The following TFAM variants were observed in gnomAD, a reference collection of about 807,000 sequenced individuals.
TFAM encodes the protein mitochondrial transcription factor 1.
A neutral mutation model predicts 30.6 loss-of-function variants in TFAM; 13 were observed. The ratio of observed to expected loss-of-function variants is 0.42; its 90% CI spans 0.28 to 0.67. TFAM has a LOEUF of 0.67. TFAM is among the 30% of genes least tolerant of loss of function. The pLI is 0.21. For missense variants in TFAM, 231 were observed against 293.7 expected (o/e 0.79, Z 1.56); for synonymous variants, 106 against 94.8 (o/e 1.12, Z -0.69).
chr10:58,388,374 A>G (rs964103084), intron 3 of TFAM, 114 bp downstream of exon 3: 1 of 923,124 alleles, frequency 1.1e-6, no homozygotes, highest in Admixed American at 2.0e-5. Flanking sequence ...TCTGTTATCT[A>G]CAAAGAAACT....
rs570779709 is a variant in TFAM at position 58,388,703 on chromosome 10, G to A, written c.325G>A (p.Val109Ile). The part of the protein sequence containing the change: ...YQDAYRAEWQ[V>I]YKEEISRFKE... ...AGATGCTTATAGGGCGGAGTGGCAG[G>A]TATATAAAGAAGAGATAAGCAGATT... Residue 109 changes from valine (V) to isoleucine (I), a missense_variant, in exon 4 of 7, where the codon GTA becomes ATA. Transcript: ENST00000487519. 4 of 1,613,610 alleles carry A rather than the reference G, an allele frequency of 2.5e-6. No individual in the cohort carries two copies. The highest frequency in any genetic ancestry group is 1.3e-5 in the African/African-American group (1 of 74,948).
chr10:58,386,537 A>T (rs1454766057), intron 2 of TFAM, 199 bp downstream of exon 2: 48 of 749,266 alleles, frequency 6.4e-5, no homozygotes, highest in East Asian at 4.9e-4. Flanking sequence ...ATGGTATTTT[A>T]AAAATAACGT....
chr10:58,385,494 T>G lies in TFAM; in HGVS notation c.-54T>G. 4 of 1,391,946 alleles carry G rather than the reference T, an allele frequency of 2.9e-6. No individual in the cohort carries two copies. Among genetic ancestry groups the G allele is most frequent in the Non-Finnish European group, 4.0e-6 (4 of 1,001,272 alleles). 86.2% of individuals were successfully genotyped at this position (1,391,946 alleles called of 1,614,324 possible). ...AGTTGTGATTGCTGGAGTTGTGTAT[T>G]GCCAGGAGGCTCTCCGAGATTGGGG... On this transcript the variant is annotated 5_prime_UTR_variant, in exon 1 of 7. The change creates a new upstream start codon in the 5' untranslated region. Coordinates refer to ENST00000487519, the MANE Select transcript of TFAM (RefSeq NM_003201.3).
At position 58,395,617 on chromosome 10, in the gene TFAM, G is replaced by A. The variant is rs1484284032; in HGVS notation, c.*543G>A. On this transcript the variant is annotated 3_prime_UTR_variant, in exon 7 of 7. Coordinates refer to ENST00000487519, the MANE Select transcript of TFAM (RefSeq NM_003201.3). ...TTTAGTTGCAACTTTGTATAAAAGG[G>A]ACTGAGAAATTTATAAACTTTTTTC... The A allele has an allele frequency of 1.6e-5, 4 of 248,716 alleles. No individual in the cohort carries two copies. The highest frequency in any genetic ancestry group is 5.5e-5 in the Admixed American group (1 of 18,110). The allele number at this position is 248,716 out of a possible 1,614,324, so 15.4% of individuals were successfully genotyped here. A position where few individuals can be genotyped will look rare whatever the true frequency, so the allele number is the denominator to read the frequency against.
At chr10:58,394,534 A>G in intron 6 of TFAM, 120 bp downstream of exon 6, 1 of 930,996 alleles carries the variant, frequency 1.1e-6, no homozygotes, top group Non-Finnish European at 1.8e-6. Context: ...AAGTATTCTA[A>G]AATTATTTTC....
intron 6 of TFAM, chr10:58,394,667 G>A (rs1840651494): frequency 6.3e-6 from 4 of 639,030 alleles, no homozygotes; most frequent in Non-Finnish European, 1.1e-5. Flanking sequence ...GTGATACCCT[G>A]CTGCTGCCCC....
In TFAM at chr10:58,397,844, G is replaced by C. The variant is rs189993302; in HGVS notation, c.*2770G>C. ...CATGGTGTGATCTTGGCTCACTGCA[G>C]CCTTGACCTCCTGGGCTCAAGTGAT... On this transcript the variant is annotated 3_prime_UTR_variant, in exon 7 of 7. Coordinates refer to ENST00000487519, the MANE Select transcript of TFAM (RefSeq NM_003201.3). 1 of 152,052 alleles carries C rather than the reference G, an allele frequency of 6.6e-6. No homozygotes were observed. The highest frequency in any genetic ancestry group is 2.4e-5 in the African/African-American group (1 of 41,378). 9.4% of individuals were successfully genotyped at this position (152,052 alleles called of 1,614,324 possible).
At chr10:58,386,612 T>C (rs889740767) in intron 2 of TFAM, 8 of 1,210,752 alleles carry the variant, frequency 6.6e-6, no homozygotes, top group Middle Eastern at 3.4e-4. Flanking sequence ...TTGCCTTTGG[T>C]CTAGAGGACC....
chr10:58,388,655 G>C lies in TFAM; in HGVS notation c.292-15G>C, dbSNP rs764539268. The C allele has an allele frequency of 1.9e-6, 3 of 1,612,682 alleles. No homozygotes were observed. The highest frequency in any genetic ancestry group is 2.5e-6 in the Non-Finnish European group (3 of 1,179,688). ...AGCAATGGTTTGTTGACTTACTTGG[G>C]TTTTTTATTTATAGATATATCAAGA... On this transcript the variant is annotated splice_polypyrimidine_tract_variant and intron_variant, in intron 3 of 6. Coordinates refer to ENST00000487519, the MANE Select transcript of TFAM (RefSeq NM_003201.3).
At chr10:58,393,189 CAGG>C (rs1840627155) in intron 5 of TFAM, among the ~76,000 whole-genome samples, 1 of 152,142 alleles carries the variant, frequency 6.6e-6, no homozygotes, top group Non-Finnish European at 1.5e-5. Context: ...CCATATTGGC[CAGG>C]CTGGTCTCGA....
At chr10:58,391,397 C>T (rs889369335) in intron 5 of TFAM, among the ~76,000 whole-genome samples, 1 of 151,986 alleles carries the variant, frequency 6.6e-6, no homozygotes, top group Non-Finnish European at 1.5e-5. Flanking sequence ...TGGGCAATTG[C>T]TTTTTTTCCT....
Position 58,388,279 on chromosome 10 carries a change from A to G in TFAM, c.291+19A>G. 2 of 1,604,462 alleles carry G rather than the reference A, an allele frequency of 1.2e-6. No individual in the cohort carries two copies. Among genetic ancestry groups the G allele is most frequent in the Non-Finnish European group, 1.7e-6 (2 of 1,171,254 alleles). The stretch of plus-strand genomic sequence containing the variant: ...GAAAAAAGTAAGCACATAAGTTTTC[A>G]ACATTGCTGACCAGTTATTCTGCAG... On this transcript the variant is annotated intron_variant, in intron 3 of 6. Transcript: ENST00000487519.
chr10:58,396,787 A>G lies in TFAM; in HGVS notation c.*1713A>G, dbSNP rs911788382. The stretch of plus-strand genomic sequence containing the variant: ...AAGACTTTGATGTCACAAAAAGATG[A>G]CTTGTTATATGCTGAGCTTGACAAA... On this transcript the variant is annotated 3_prime_UTR_variant, in exon 7 of 7. Transcript: ENST00000487519. 6.6e-6 allele frequency: 1 copy of G among 152,264 alleles called. No homozygotes were observed. Among genetic ancestry groups the G allele is most frequent in the African/African-American group, 2.4e-5 (1 of 41,470 alleles). The allele number at this position is 152,264 out of a possible 1,614,324, so 9.4% of individuals were successfully genotyped here.
In TFAM at chr10:58,394,349, G is replaced by A. The variant is rs1307874118; in HGVS notation, c.538-9G>A. 7 of 1,607,896 alleles carry A rather than the reference G, an allele frequency of 4.4e-6. No individual in the cohort carries two copies. Among genetic ancestry groups the A allele is most frequent in the Non-Finnish European group, 6.0e-6 (7 of 1,174,790 alleles). ...ATCTACCTTAACTTAAACATATATT[G>A]TTTTACAGGAAAAGCTGAAGACTGT... On this transcript the variant is annotated splice_polypyrimidine_tract_variant and intron_variant, in intron 5 of 6. Coordinates refer to ENST00000487519, the MANE Select transcript of TFAM (RefSeq NM_003201.3).
At chr10:58,389,266 TAATC>T (rs1387161361) in intron 4 of TFAM, among the ~76,000 whole-genome samples, 1 of 151,750 alleles carries the variant, frequency 6.6e-6, no homozygotes, top group Non-Finnish European at 1.5e-5. Flanking sequence ...CCAATTTATC[TAATC>T]AATTAAGTGC....
Position 58,385,650 on chromosome 10 carries a change from T to G in TFAM, c.101+2T>G, listed in dbSNP as rs1256968074. ...AAGTCGACTGCGCTCCCCCTTCAGG[T>G]AGGCCCGCTTGCCTGTGCCCTAGGG... On this transcript the variant is annotated splice_donor_variant, in intron 1 of 6. Transcript: ENST00000487519. LOFTEE classifies it high-confidence loss of function. 1.3e-6 allele frequency: 2 copies of G among 1,552,798 alleles called. No homozygotes were observed. Among genetic ancestry groups the G allele is most frequent in the African/African-American group, 1.4e-5 (1 of 73,098 alleles).
At chr10:58,385,928 C>G (rs993623799) in intron 1 of TFAM, among the ~76,000 whole-genome samples, 1 of 152,198 alleles carries the variant, frequency 6.6e-6, no homozygotes, top group African/African-American at 2.4e-5. Context: ...GAATTCGCGC[C>G]GAGTCTCCGG....
At chr10:58,387,750 C>T (rs942354236) in intron 2 of TFAM, among the ~76,000 whole-genome samples, 2 of 151,808 alleles carry the variant, frequency 1.3e-5, no homozygotes, top group African/African-American at 2.4e-5. Flanking sequence ...GGCAGCATAG[C>T]GAAACCCCGT....
chr10:58,390,702 T>C, intron 4 of TFAM, 63 bp from the exon 5 acceptor site: 1 of 1,203,894 alleles, frequency 8.3e-7, no homozygotes, highest in Non-Finnish European at 1.2e-6. Flanking sequence ...AAAGTTTCTG[T>C]AGGTAAAATT....
Sources: allele counts gnomAD v4.1 joint callset (sites outside exome capture counted in the v4.1 genomes callset), GRCh38; gene constraint gnomAD v4.1.1; transcripts MANE v1.5; gene names NCBI Gene and HGNC (gene_info 2026-07-23, HGNC 2026-07-21).